PTPN22: variants seen among roughly 807,000 people sequenced by gnomAD.
PTPN22 encodes the protein protein tyrosine phosphatase non-receptor type 22, also known as tyrosine-protein phosphatase non-receptor type 22.
A neutral mutation model predicts 103.3 loss-of-function variants in PTPN22; 85 were observed. That is an observed-to-expected ratio of 0.82 (90% CI 0.69 to 0.99). PTPN22 has a LOEUF of 0.99. PTPN22 is among the 50% of genes least tolerant of loss of function. The pLI is 0.00. For missense variants in PTPN22, 865 were observed against 936.9 expected, an observed-to-expected ratio of 0.92 and a Z score of 1.00; for synonymous variants, 323 against 310.2, an observed-to-expected ratio of 1.04 and a Z score of -0.43.
At chr1:113,843,547 G>A (rs1214328389) in intron 11 of PTPN22, among the ~76,000 whole-genome samples, 1 of 152,124 alleles carries the variant, frequency 6.6e-6, no homozygotes, top group Non-Finnish European at 1.5e-5. Context: ...AGAATAGGGA[G>A]TTATTGTTTA....
chr1:113,871,631 A>G, exon 1 of PTPN22: 1 of 1,613,420 alleles, frequency 6.2e-7, no homozygotes, highest in South Asian at 1.1e-5. Flanking sequence ...CATGCTGCAG[A>G]GCAAGAAAAA....
At chr1:113,856,698 A>G (rs1665109923) in intron 5 of PTPN22, 79 bp from the exon 6 acceptor site, 1 of 1,594,470 alleles carries the variant, frequency 6.3e-7, no homozygotes, top group Non-Finnish European at 8.6e-7. Flanking sequence ...AAGCAAATTC[A>G]GCTCTATGTC....
At chr1:113,836,043 A>G (rs945714197) in intron 13 of PTPN22, among the ~76,000 whole-genome samples, 2 of 152,226 alleles carry the variant, frequency 1.3e-5, no homozygotes, top group African/African-American at 4.8e-5. Flanking sequence ...TTAAAAATGT[A>G]TAAAATAATC....
chr1:113,864,060 A>G (rs942390660), intron 1 of PTPN22: 3 of 296,806 alleles, frequency 1.0e-5, no homozygotes, highest in African/African-American at 7.0e-5. Context: ...GCGGTGAGCC[A>G]AGATCGCACC....
chr1:113,837,527 C>A, intron 13 of PTPN22, 63 bp downstream of exon 13: 6 of 1,196,744 alleles, frequency 5.0e-6, no homozygotes, highest in East Asian at 2.4e-5. Flanking sequence ...GAGAAGAAAC[C>A]AACTATTCTA....
chr1:113,821,045 T>A (rs1265741892), intron 19 of PTPN22, among the ~76,000 whole-genome samples: 1 of 151,562 alleles, frequency 6.6e-6, no homozygotes, highest in East Asian at 2.0e-4. Flanking sequence ...CATATTTAAA[T>A]ACTTACTATG....
chr1:113,840,261 A>G (rs1571391158), intron 11 of PTPN22, among the ~76,000 whole-genome samples: 2 of 152,052 alleles, frequency 1.3e-5, no homozygotes, highest in East Asian at 3.9e-4. Flanking sequence ...AAGTAAAATT[A>G]TCTCTAGTCT....
chr1:113,842,893 A>G (rs1175956418), intron 11 of PTPN22, among the ~76,000 whole-genome samples: 1 of 150,886 alleles, frequency 6.6e-6, no homozygotes, highest in Non-Finnish European at 1.5e-5. Context: ...CGAGGTCAGG[A>G]GATCGAGACC....
exon 10 of PTPN22, chr1:113,852,081 A>C: frequency 6.2e-7 from 1 of 1,610,524 alleles, no homozygotes; most frequent in Non-Finnish European, 8.5e-7. Context: ...TCAAACTGAA[A>C]ACACTGAAGT....
chr1:113,869,596 T>C (rs147049599), intron 1 of PTPN22, among the ~76,000 whole-genome samples: 193 of 152,226 alleles, frequency 1.3e-3, no homozygotes, highest in African/African-American at 4.5e-3. Context: ...GGTTTCATTA[T>C]GTTGGCCAGG....
At chr1:113,829,467 A>G (rs1662362892) in intron 18 of PTPN22, 125 bp downstream of exon 18, 2 of 539,828 alleles carry the variant, frequency 3.7e-6, no homozygotes, top group South Asian at 3.1e-5. Flanking sequence ...TTTGACTGTT[A>G]TAATATCAAC....
At chr1:113,827,957 G>C (rs1024839573) in intron 18 of PTPN22, among the ~76,000 whole-genome samples, 14 of 152,174 alleles carry the variant, frequency 9.2e-5, no homozygotes, top group African/African-American at 3.4e-4. Flanking sequence ...TGGATGAAAA[G>C]CAATATGTCA....
intron 11 of PTPN22, among the ~76,000 whole-genome samples, chr1:113,843,377 G>A (rs189521575): frequency 2.0e-5 from 3 of 152,028 alleles, no homozygotes; most frequent in Non-Finnish European, 4.4e-5. Context: ...ATTGTGACAC[G>A]TTACAACATG....
At chr1:113,857,161 T>A (rs963957891) in intron 5 of PTPN22, among the ~76,000 whole-genome samples, 6 of 152,336 alleles carry the variant, frequency 3.9e-5, no homozygotes, top group African/African-American at 9.6e-5. Flanking sequence ...TGGCATTTTT[T>A]ACTAAGTCTT....
intron 18 of PTPN22, among the ~76,000 whole-genome samples, chr1:113,828,549 A>T (rs1662281246): frequency 6.6e-6 from 1 of 152,150 alleles, no homozygotes; most frequent in East Asian, 1.9e-4. Context: ...TTCATTGTAT[A>T]CTAAATTTCT....
intron 20 of PTPN22, chr1:113,815,596 G>C (rs1215454482): frequency 6.6e-6 from 1 of 152,190 alleles, no homozygotes; most frequent in Non-Finnish European, 1.5e-5. Context: ...TTCAAAAGAT[G>C]TGCATGTTGA....
intron 1 of PTPN22, among the ~76,000 whole-genome samples, chr1:113,860,696 C>T (rs1388011286): frequency 6.6e-6 from 1 of 152,194 alleles, no homozygotes; most frequent in East Asian, 1.9e-4. Flanking sequence ...TTTCAAATCT[C>T]CCTGCTCTTA....
At chr1:113,835,982 C>G (rs1662981880) in intron 13 of PTPN22, among the ~76,000 whole-genome samples, 1 of 151,688 alleles carries the variant, frequency 6.6e-6, no homozygotes, top group Admixed American at 6.6e-5. Context: ...TTTAATGATG[C>G]AGATGCTCAG....
intron 13 of PTPN22, 86 bp downstream of exon 13, chr1:113,837,504 G>GA: frequency 5.5e-6 from 5 of 909,164 alleles, no homozygotes; most frequent in Non-Finnish European, 8.3e-6. Flanking sequence ...AAGCAGAGGA[G>GA]AAGAGGGAAG....
Sources: allele counts gnomAD v4.1 joint callset (sites outside exome capture counted in the v4.1 genomes callset), GRCh38; gene constraint gnomAD v4.1.1; transcripts MANE v1.5; gene names NCBI Gene and HGNC (gene_info 2026-07-23, HGNC 2026-07-21).